LRRIQ3: variants seen among roughly 807,000 people sequenced by gnomAD.
LRRIQ3 encodes leucine-rich repeat and IQ domain-containing protein 3.
Under a neutral mutation model 59.3 loss-of-function variants are expected in LRRIQ3, and 75 were observed. That is an observed-to-expected ratio of 1.26 (90% CI 1.05 to 1.53). The LOEUF is 1.53. Among genes scored for constraint, LRRIQ3 ranks in the 40% most tolerant of loss-of-function variants. The probability of loss-of-function intolerance (pLI) is 0.00; values close to 1 mark genes in which losing one functional copy is unlikely to be tolerated. For missense variants in LRRIQ3, 831 were observed against 710.0 expected, an observed-to-expected ratio of 1.17 and a Z score of -1.94; for synonymous variants, 250 against 231.3, an observed-to-expected ratio of 1.08 and a Z score of -0.73.
intron 6 of LRRIQ3, among the ~76,000 whole-genome samples, chr1:74,068,129 T>C (rs1207604000): frequency 6.6e-6 from 1 of 152,092 alleles, no homozygotes; most frequent in African/African-American, 2.4e-5. Flanking sequence ...GCCCCTGATA[T>C]CAATTTTTTC....
At chr1:74,186,441 T>C (rs1181544553) in intron 1 of LRRIQ3, among the ~76,000 whole-genome samples, 2 of 152,190 alleles carry the variant, frequency 1.3e-5, no homozygotes, top group Non-Finnish European at 2.9e-5. Context: ...GTGTGAGACA[T>C]TCAAATTTTA....
At position 74,052,141 on chromosome 1, in the gene LRRIQ3, C is replaced by T. The variant is rs570364655; in HGVS notation, c.998-10208G>A. The stretch of plus-strand genomic sequence containing the variant: ...TAATTTGAAGATCTAAATTTCTCTA[C>T]TTGATATCTTAGGCCCAAATATGTG... On this transcript the variant is annotated intron_variant, in intron 6 of 7. Coordinates refer to ENST00000354431, the MANE Select transcript of LRRIQ3 (RefSeq NM_001105659.2). Among the ~76,000 whole-genome samples, 9 of 152,192 alleles carry T rather than the reference C, an allele frequency of 5.9e-5. No individual in the cohort carries two copies. The South Asian group carries it at 1.5e-3, about 25-fold the overall frequency.
chr1:74,131,597 G>T (rs562820582), intron 4 of LRRIQ3, among the ~76,000 whole-genome samples: 109 of 152,134 alleles, frequency 7.2e-4, no homozygotes, highest in African/African-American at 2.5e-3. Flanking sequence ...ATGTAATCCA[G>T]CATATAAACA....
intron 6 of LRRIQ3, among the ~76,000 whole-genome samples, chr1:74,053,565 C>G (rs970357072): frequency 1.3e-5 from 2 of 152,052 alleles, no homozygotes; most frequent in Non-Finnish European, 2.9e-5. Flanking sequence ...CACTGACTCA[C>G]CCCTGTAATC....
At chr1:74,044,533 C>T (rs1462097175) in intron 6 of LRRIQ3, among the ~76,000 whole-genome samples, 1 of 151,976 alleles carries the variant, frequency 6.6e-6, no homozygotes, top group Non-Finnish European at 1.5e-5. Flanking sequence ...AAAATTTACA[C>T]CCTAATATCA....
intron 7 of LRRIQ3, among the ~76,000 whole-genome samples, chr1:74,033,791 C>T (rs1019122574): frequency 4.0e-5 from 6 of 151,864 alleles, no homozygotes; most frequent in Non-Finnish European, 5.9e-5. Context: ...CAATTGATGA[C>T]CAAATAAGGA....
intron 5 of LRRIQ3, among the ~76,000 whole-genome samples, chr1:74,088,763 T>C (rs758727502): frequency 3.3e-5 from 5 of 151,828 alleles, no homozygotes; most frequent in Non-Finnish European, 7.4e-5. Flanking sequence ...AGTGAAAGAA[T>C]GGTTTCTTAG....
At chr1:74,155,147 T>C (rs1648243571) in intron 4 of LRRIQ3, among the ~76,000 whole-genome samples, 3 of 152,230 alleles carry the variant, frequency 2.0e-5, no homozygotes, top group Admixed American at 6.5e-5. Context: ...CTTCTGAACT[T>C]TACCAATTAG....
chr1:74,103,524 C>A (rs1360895652), intron 5 of LRRIQ3, among the ~76,000 whole-genome samples: 2 of 151,808 alleles, frequency 1.3e-5, no homozygotes, highest in Admixed American at 1.3e-4. Flanking sequence ...TTTTACTTTC[C>A]AGCATAAGGA....
In LRRIQ3 at chr1:74,051,068, C is replaced by T. The variant is rs115488289; in HGVS notation, c.998-9135G>A. On this transcript the variant is annotated intron_variant, in intron 6 of 7. Coordinates refer to ENST00000354431, the MANE Select transcript of LRRIQ3 (RefSeq NM_001105659.2). The stretch of plus-strand genomic sequence containing the variant: ...AATAGAATAGAAAATTACAGAGATG[C>T]ACAGGCGTTACCCCTCTCACTTTAC... Among the ~76,000 whole-genome samples the T allele has an allele frequency of 8.8e-3, 1,344 of 152,246 alleles. 15 individuals carry two copies. The highest frequency in any genetic ancestry group is 0.013 in the Admixed American group (194 of 15,274).
Position 74,041,603 on chromosome 1 carries a change from A to G in LRRIQ3, c.1328T>C (p.Val443Ala). 1 of 1,613,840 alleles carries G rather than the reference A, an allele frequency of 6.2e-7. No individual in the cohort carries two copies. Among genetic ancestry groups the G allele is most frequent in the South Asian group, 1.1e-5 (1 of 91,064 alleles). The change falls in exon 7 of 8, where the codon GTA becomes GCA. Residue 443 changes from valine to alanine, a missense_variant. Transcript: ENST00000354431. Reference protein sequence around the residue: ...QEYHKEKVRVVAMAQVARERV... With the variant: ...QEYHKEKVRVAAMAQVARERV... ...TTCTCGAGCAACTTGTGCCATGGCT[A>G]CAACTCTTACTTTTTCTTTATGGTA...
In LRRIQ3 at chr1:74,165,091, C is replaced by T. The variant is rs72962141; in HGVS notation, c.574-9225G>A. Among the ~76,000 whole-genome samples the T allele has an allele frequency of 4.4e-3, 663 of 151,546 alleles. 7 individuals are homozygous for T. Among genetic ancestry groups the T allele is most frequent in the African/African-American group, 0.015 (626 of 41,474 alleles). ...CTACACGTGTCTAAAAATAAGGTAA[C>T]TGATGCATCCCACTTTTTTCTTGTT... On this transcript the variant is annotated intron_variant, in intron 3 of 7. Transcript: ENST00000354431.
At chr1:74,052,843 G>A (rs1654408525) in intron 6 of LRRIQ3, among the ~76,000 whole-genome samples, 1 of 151,858 alleles carries the variant, frequency 6.6e-6, no homozygotes, top group Non-Finnish European at 1.5e-5. Context: ...TAGATTGTAG[G>A]AATCTTACAC....
At chr1:74,052,350 T>C (rs1465379567) in intron 6 of LRRIQ3, among the ~76,000 whole-genome samples, 2 of 152,084 alleles carry the variant, frequency 1.3e-5, no homozygotes, top group Non-Finnish European at 2.9e-5. Context: ...CATCCTATCA[T>C]TTCAGAAAGT....
chr1:74,093,748 C>A (rs1428274250), intron 5 of LRRIQ3, among the ~76,000 whole-genome samples: 2 of 152,018 alleles, frequency 1.3e-5, no homozygotes, highest in African/African-American at 2.4e-5. Context: ...AAGTTCCAAG[C>A]CACAGAATGA....
chr1:74,058,656 G>A (rs914951834), intron 6 of LRRIQ3, among the ~76,000 whole-genome samples: 3 of 151,978 alleles, frequency 2.0e-5, no homozygotes, highest in African/African-American at 7.2e-5. Context: ...TTGTAGCACT[G>A]GGGAGTGACT....
intron 6 of LRRIQ3, among the ~76,000 whole-genome samples, chr1:74,062,522 A>AT (rs1205969509): frequency 6.6e-6 from 1 of 152,148 alleles, no homozygotes; most frequent in African/African-American, 2.4e-5. Flanking sequence ...TTAAAACAGA[A>AT]TGAGTACTCA....
At chr1:74,049,225 G>A (rs1051034604) in intron 6 of LRRIQ3, among the ~76,000 whole-genome samples, 4 of 152,186 alleles carry the variant, frequency 2.6e-5, no homozygotes, top group African/African-American at 9.6e-5. Flanking sequence ...GACGCTCACA[G>A]AGGTAAGGCA....
chr1:74,155,681 TTTC>T, intron 4 of LRRIQ3, 49 bp downstream of exon 4: 4 of 1,474,986 alleles, frequency 2.7e-6, no homozygotes, highest in Non-Finnish European at 3.6e-6. Context: ...TTATCATTTA[TTTC>T]TTCACCTTCT....
Sources: gnomAD v4.1 joint callset for allele counts (sites outside exome capture counted in the v4.1 genomes callset) on GRCh38, gnomAD v4.1.1 for gene constraint, MANE v1.5 for transcripts, NCBI Gene and HGNC (gene_info 2026-07-23, HGNC 2026-07-21) for gene names.